MLPH: variants seen among roughly 807,000 people sequenced by gnomAD.
MLPH encodes the protein melanophilin.
In MLPH, 51 loss-of-function variants were observed where a neutral mutation model predicts 72.1. The ratio of observed to expected loss-of-function variants is 0.71; its 90% CI spans 0.56 to 0.89. The LOEUF (loss-of-function observed/expected upper bound fraction) is 0.89, where lower values mean the gene tolerates loss of function less well. MLPH is among the 40% of genes least tolerant of loss of function. The probability of loss-of-function intolerance (pLI) is 0.00; values close to 1 mark genes in which losing one functional copy is unlikely to be tolerated. For synonymous variants in MLPH, 301 were observed against 310.1 expected, an observed-to-expected ratio of 0.97 and a Z score of 0.31; for missense variants, 743 against 759.9, an observed-to-expected ratio of 0.98 and a Z score of 0.26.
intron 6 of MLPH, among the ~76,000 whole-genome samples, chr2:237,522,012 T>C (rs2080196577): frequency 1.4e-5 from 1 of 71,168 alleles, no homozygotes; most frequent in East Asian, 4.0e-4. Flanking sequence ...GAGACTGGGG[T>C]TGGACCTTCA....
intron 2 of MLPH, chr2:237,509,995 C>T (rs1156868431): frequency 1.2e-5 from 2 of 163,326 alleles, no homozygotes; most frequent in African/African-American, 4.8e-5. Flanking sequence ...TAAGGATACA[C>T]TTTCCAATCA....
Position 237,510,110 on chromosome 2 carries a change from C to T in MLPH, c.111-464C>T, listed in dbSNP as rs2079857928. The T allele has an allele frequency of 8.2e-6, 2 of 243,790 alleles. No homozygotes were observed. The highest frequency in any genetic ancestry group is 4.5e-5 in the African/African-American group (2 of 44,220). The allele number at this position is 243,790 out of a possible 1,614,324, so 15.1% of individuals were successfully genotyped here. A position where few individuals can be genotyped will look rare whatever the true frequency, so the allele number is the denominator to read the frequency against. On this transcript the variant is annotated intron_variant, in intron 2 of 15. Transcript: ENST00000264605. This position sits in a 1 kb window ranked among gnomAD's most constrained non-coding sequence, Gnocchi z 4.4. ...AGATGATTCCTGCTCTGGAAACTCA[C>T]CGAGCCATTTCAGCTGCGCTCTAGA...
intron 8 of MLPH, among the ~76,000 whole-genome samples, chr2:237,531,113 A>G (rs2080412671): frequency 6.6e-6 from 1 of 152,084 alleles, no homozygotes; most frequent in African/African-American, 2.4e-5. Flanking sequence ...TGAGTCTTAT[A>G]CCCTGGGAAA....
At chr2:237,534,870 C>T (rs2080500412) in intron 9 of MLPH, among the ~76,000 whole-genome samples, 1 of 152,156 alleles carries the variant, frequency 6.6e-6, no homozygotes, top group African/African-American at 2.4e-5. Context: ...ATGCCCAGAG[C>T]TTGAATGAGA....
chr2:237,510,846 G>C lies in MLPH; in HGVS notation c.332+51G>C, dbSNP rs573526255. 4 of 1,603,938 alleles carry C rather than the reference G, an allele frequency of 2.5e-6. No homozygotes were observed. The highest frequency in any genetic ancestry group is 1.7e-5 in the Admixed American group (1 of 59,988). On this transcript the variant is annotated intron_variant, in intron 3 of 15. Coordinates refer to ENST00000264605, the MANE Select transcript of MLPH (RefSeq NM_024101.7). The surrounding 1 kb of genome is among the most constrained non-coding windows in gnomAD (Gnocchi z 4.4). Reference sequence around the variant, plus strand: ...GACCTTGATAGTTTCTGGATCTGGCGTGTCCCTTCCATGGGGCTAGCTGAA... The same window carrying C: ...GACCTTGATAGTTTCTGGATCTGGCCTGTCCCTTCCATGGGGCTAGCTGAA...
At position 237,555,004 on chromosome 2, in the gene MLPH, C is replaced by T. The variant is rs1232266647; in HGVS notation, c.*1412C>T. On this transcript the variant is annotated 3_prime_UTR_variant, in exon 16 of 16. Coordinates refer to ENST00000264605, the MANE Select transcript of MLPH (RefSeq NM_024101.7). ...ATTATTCAGGCTAGGTAAGGTGGCTCATACCTATAATCCCAGCCCTTTGAG... is the reference window on the plus strand; with the variant it reads ...ATTATTCAGGCTAGGTAAGGTGGCTTATACCTATAATCCCAGCCCTTTGAG... The T allele has an allele frequency of 6.6e-6, 1 of 152,170 alleles. No homozygotes were observed. The highest frequency in any genetic ancestry group is 1.5e-5 in the Non-Finnish European group (1 of 68,036). 9.4% of individuals were successfully genotyped at this position (152,170 alleles called of 1,614,324 possible). A position where few individuals can be genotyped will look rare whatever the true frequency, so the allele number is the denominator to read the frequency against.
chr2:237,517,729 GTGGATGGATGGA>G (rs58864368), intron 4 of MLPH, among the ~76,000 whole-genome samples: 4,967 of 135,036 alleles, frequency 0.037, 137 homozygotes, highest in East Asian at 0.14. Context: ...AAGTAAGTGG[GTGGATGGATGGA>G]TGGATGGATG....
At chr2:237,500,938 C>A (rs141616843) in intron 2 of MLPH, among the ~76,000 whole-genome samples, 99 of 152,240 alleles carry the variant, frequency 6.5e-4, no homozygotes, top group African/African-American at 2.2e-3. Flanking sequence ...CCCTCACCGT[C>A]TTGTTGTCCA....
In MLPH at chr2:237,510,645, A is replaced by G; in HGVS notation, c.182A>G (p.Glu61Gly). The stretch of plus-strand genomic sequence containing the variant: ...CTTTCCGACACTGCCCATCTGAACG[A>G]GACCCACTGCGCCCGCTGCCTGCAG... Reference protein sequence around the residue: ...ELLSDTAHLNETHCARCLQPY... With the variant: ...ELLSDTAHLNGTHCARCLQPY... The change falls in exon 3 of 16, where the codon GAG becomes GGG. Residue 61 changes from glutamate to glycine, a missense_variant. Physicochemically the swap from Glu to Gly is moderately conservative, Grantham distance 98 (BLOSUM62 -2). Coordinates refer to ENST00000264605, the MANE Select transcript of MLPH (RefSeq NM_024101.7). The surrounding 1 kb of genome is among the most constrained non-coding windows in gnomAD (Gnocchi z 4.4). 1 of 1,613,770 alleles carries G rather than the reference A, an allele frequency of 6.2e-7. No individual in the cohort carries two copies. The highest frequency in any genetic ancestry group is 2.2e-5 in the East Asian group (1 of 44,882).
intron 9 of MLPH, 89 bp downstream of exon 9, chr2:237,534,736 A>G (rs2080497374): frequency 9.1e-7 from 1 of 1,097,264 alleles, no homozygotes; most frequent in African/African-American, 1.6e-5. Context: ...TTGGGAGAAG[A>G]GTTTCTTGAG....
rs4053461 is a variant in MLPH, at chr2:237,516,997, G to GTGGATGGA, written c.446-1504_446-1497dup. 2.5e-3 allele frequency among the ~76,000 whole-genome samples: 321 copies of GTGGATGGA among 130,864 alleles called. 1 individual carries two copies. The highest frequency in any genetic ancestry group is 6.6e-3 in the African/African-American group (215 of 32,534). 85.9% of individuals were successfully genotyped at this position (130,864 alleles called of 152,430 possible). On this transcript the variant is annotated intron_variant, in intron 4 of 15. Coordinates refer to ENST00000264605, the MANE Select transcript of MLPH (RefSeq NM_024101.7). Reference sequence around the variant, plus strand: ...GATGGGCAGCTAAGGTGGTAGGTGAGTGGATGGATGGATGGATGGATGGAT... The same window carrying GTGGATGGA: ...GATGGGCAGCTAAGGTGGTAGGTGAGTGGATGGATGGATGGATGGATGGATGGATGGAT...
chr2:237,523,257 T>C (rs1274261331), intron 6 of MLPH, among the ~76,000 whole-genome samples: 10 of 152,274 alleles, frequency 6.6e-5, no homozygotes, highest in Admixed American at 5.9e-4. Context: ...TGAAGGCACA[T>C]GCGATAGATG....
At chr2:237,550,104 C>T (rs1371816145) in intron 14 of MLPH, among the ~76,000 whole-genome samples, 5 of 152,226 alleles carry the variant, frequency 3.3e-5, no homozygotes, top group African/African-American at 4.8e-5. Flanking sequence ...GCACAGCGGA[C>T]GCTGGTTTCA....
chr2:237,496,509 C>T (rs139191943), intron 2 of MLPH, among the ~76,000 whole-genome samples: 1 of 152,248 alleles, frequency 6.6e-6, no homozygotes, highest in African/African-American at 2.4e-5. Flanking sequence ...TCCCAGAACT[C>T]TTAGGAAAGG....
At chr2:237,516,805 A>T (rs1445652695) in intron 4 of MLPH, among the ~76,000 whole-genome samples, 1 of 149,028 alleles carries the variant, frequency 6.7e-6, no homozygotes, top group Non-Finnish European at 1.5e-5. Context: ...GGATGGATGG[A>T]TGGATGGATG....
rs981697643 is a variant in MLPH, at chr2:237,534,458, C to A, written c.1021-106C>A. The A allele has an allele frequency of 1.3e-5, 12 of 933,328 alleles. No homozygotes were observed. In the African/African-American group the frequency reaches 2.0e-4, roughly 15 times the overall value. The allele number at this position is 933,328 out of a possible 1,614,324, so 57.8% of individuals were successfully genotyped here. The stretch of plus-strand genomic sequence containing the variant: ...GTCATGGGTGGTGGCCTTAGCTCTC[C>A]TTCCGCTTCTTGGGAATTTGGTGCT... On this transcript the variant is annotated intron_variant, in intron 8 of 15. Coordinates refer to ENST00000264605, the MANE Select transcript of MLPH (RefSeq NM_024101.7).
chr2:237,542,310 G>A (rs1348362071), intron 11 of MLPH, among the ~76,000 whole-genome samples: 1 of 152,110 alleles, frequency 6.6e-6, no homozygotes, highest in African/African-American at 2.4e-5. Context: ...TGAGACTCAA[G>A]AAAATGCACC....
intron 8 of MLPH, chr2:237,527,772 T>C: frequency 1.9e-6 from 1 of 526,026 alleles, no homozygotes. Context: ...ACAATTCCAC[T>C]TCTTGGTATA....
chr2:237,552,929 A>G (rs774255122), intron 15 of MLPH, among the ~76,000 whole-genome samples: 5 of 152,212 alleles, frequency 3.3e-5, no homozygotes, highest in Non-Finnish European at 7.3e-5. Context: ...TACACACCCA[A>G]GTGTGTGTGT....
Sources: gnomAD v4.1 joint callset for allele counts (sites outside exome capture counted in the v4.1 genomes callset) on GRCh38, gnomAD v4.1.1 for gene constraint, Gnocchi (gnomAD v3.1) non-coding constraint, MANE v1.5 for transcripts, NCBI Gene and HGNC (gene_info 2026-07-23, HGNC 2026-07-21) for gene names.